Variants in EXOC6B observed in about 807,000 individuals in gnomAD.
The protein encoded by EXOC6B is SEC15 homolog B.
Under a neutral mutation model 113.5 loss-of-function variants are expected in EXOC6B, and 54 were observed. That is an observed-to-expected ratio of 0.48 (90% CI 0.38 to 0.60). The LOEUF (loss-of-function observed/expected upper bound fraction) is 0.60. Ranked by LOEUF, EXOC6B falls within the 20% of genes least tolerant of loss-of-function variation. The probability of loss-of-function intolerance (pLI) is 0.00; values close to 1 mark genes in which losing one functional copy is unlikely to be tolerated. For synonymous variants in EXOC6B, 357 were observed against 339.0 expected, an observed-to-expected ratio of 1.05 and a Z score of -0.58; for missense variants, 797 against 977.5, an observed-to-expected ratio of 0.82 and a Z score of 2.46.
Position 72,741,411 on chromosome 2 carries a change from G to A in EXOC6B, c.172C>T (p.Arg58Cys), listed in dbSNP as rs866488817. The A allele has an allele frequency of 3.1e-6, 5 of 1,613,222 alleles. No individual in the cohort carries two copies. The highest frequency in any genetic ancestry group is 2.2e-5 in the South Asian group (2 of 91,032). ...RFMEKLETRI[R>C]NHDREIEKMC... The stretch of plus-strand genomic sequence containing the variant: ...TTCTCAATTTCTCGGTCGTGATTAC[G>A]GATACGAGTTTCAAGCTTCTCCATG... Residue 58 changes from arginine (R) to cysteine (C), a missense_variant, in exon 2 of 22, where the codon CGT (arginine) becomes TGT (cysteine). Coordinates refer to ENST00000272427, the MANE Select transcript of EXOC6B (RefSeq NM_015189.3).
chr2:72,179,491 C>A, intron 21 of EXOC6B, 30 bp from the exon 22 acceptor site: 1 of 1,613,338 alleles, frequency 6.2e-7, no homozygotes. Flanking sequence ...AAGAGGGCAA[C>A]ATGTTTGAGG....
chr2:72,222,913 A>T (rs1330383479), intron 20 of EXOC6B, among the ~76,000 whole-genome samples: 1 of 152,182 alleles, frequency 6.6e-6, no homozygotes, highest in Non-Finnish European at 1.5e-5. Context: ...GGCACTGAGG[A>T]GGTACTTTTA....
rs1266600924 is a variant in EXOC6B, at chr2:72,179,427, C to A, written c.2344G>T (p.Ala782Ser). Residue 782 changes from alanine to serine, a missense_variant, in exon 22 of 22, where the codon GCA becomes TCA. Transcript: ENST00000272427. ...TCTCGCTCATTTTTCCGAAACTGTG[C>A]AAACATGTTGTTCTTGCGGCTAGTA... The part of the protein sequence containing the change: ...KDTSRKNNMF[A>S]QFRKNERDKQ... The A allele has an allele frequency of 1.2e-6, 2 of 1,613,720 alleles. No homozygotes were observed. Among genetic ancestry groups the A allele is most frequent in the Non-Finnish European group, 1.7e-6 (2 of 1,179,884 alleles).
rs960571675 is a variant in EXOC6B, at chr2:72,335,024, T to C, written c.2123-4A>G. 3 of 1,612,936 alleles carry C rather than the reference T, an allele frequency of 1.9e-6. No homozygotes were observed. Among genetic ancestry groups the C allele is most frequent in the African/African-American group, 1.3e-5 (1 of 74,780 alleles). ...ACCGGGCCGGATCTGGCAAACTCTG[T>C]GGGAAAGAAAAGAGGATAAAAAGCG... On this transcript the variant is annotated splice_polypyrimidine_tract_variant and splice_region_variant and intron_variant, in intron 19 of 21. Coordinates refer to ENST00000272427, the MANE Select transcript of EXOC6B (RefSeq NM_015189.3).
At chr2:72,646,377 G>A (rs1272751185) in intron 6 of EXOC6B, among the ~76,000 whole-genome samples, 2 of 151,878 alleles carry the variant, frequency 1.3e-5, no homozygotes, top group African/African-American at 4.8e-5. Flanking sequence ...AAGAGGAGAT[G>A]GTACCATCTC....
chr2:72,234,113 G>A (rs1262025326), intron 20 of EXOC6B, among the ~76,000 whole-genome samples: 2 of 143,528 alleles, frequency 1.4e-5, no homozygotes, highest in Non-Finnish European at 3.0e-5. Context: ...TTAAGACAGA[G>A]TCTTAGGCTG....
chr2:72,464,929 T>TA (rs1214730628), intron 18 of EXOC6B: 1 of 556,354 alleles, frequency 1.8e-6, no homozygotes, highest in East Asian at 2.9e-5. Context: ...CATAGGAAGA[T>TA]AAGCAGACAT....
chr2:72,741,352 G>A lies in EXOC6B; in HGVS notation c.231C>T (p.Asp77=), dbSNP rs1681309581. Residue 77 remains aspartate (D), a synonymous_variant, in exon 2 of 22, where the codon GAC becomes GAT. Transcript: ENST00000272427. ...TCACTTTCAGCAGTTCAGTTATAGA[G>A]TCCACAAAGCCCTGGTAATGAAAGT... is the stretch of plus-strand genomic sequence containing the variant. ...MCNFHYQGFV[D]SITELLKVRG... is the part of the protein sequence containing the mutation. 2.5e-6 allele frequency: 4 copies of A among 1,613,612 alleles called. No homozygotes were observed. Among genetic ancestry groups the A allele is most frequent in the Non-Finnish European group, 3.4e-6 (4 of 1,179,820 alleles).
At chr2:72,669,931 T>C (rs572005615) in intron 6 of EXOC6B, among the ~76,000 whole-genome samples, 24 of 152,352 alleles carry the variant, frequency 1.6e-4, no homozygotes, top group Non-Finnish European at 2.5e-4. Context: ...CACAACTTAA[T>C]AGCAGTATTC....
chr2:72,735,193 C>T (rs924664640), intron 2 of EXOC6B, among the ~76,000 whole-genome samples: 1 of 152,112 alleles, frequency 6.6e-6, no homozygotes, highest in Admixed American at 6.5e-5. Context: ...CATAATACTC[C>T]TAAATTCAGC....
chr2:72,637,024 A>G (rs1304027900), intron 6 of EXOC6B, among the ~76,000 whole-genome samples: 1 of 152,202 alleles, frequency 6.6e-6, no homozygotes, highest in Non-Finnish European at 1.5e-5. Flanking sequence ...CATGATACCA[A>G]TGAGCATGTG....
intron 20 of EXOC6B, among the ~76,000 whole-genome samples, chr2:72,266,686 C>T (rs1370264351): frequency 3.3e-5 from 5 of 152,068 alleles, no homozygotes; most frequent in Admixed American, 6.6e-5. Context: ...AGTCAGGTAG[C>T]GTGATGCCTC....
intron 18 of EXOC6B, among the ~76,000 whole-genome samples, chr2:72,450,588 TG>T (rs1034629575): frequency 1.3e-5 from 2 of 152,244 alleles, no homozygotes; most frequent in African/African-American, 4.8e-5. Context: ...TAGGTAGTGA[TG>T]TTTTTTAATC....
At chr2:72,548,764 T>C (rs1236938273) in intron 8 of EXOC6B, among the ~76,000 whole-genome samples, 1 of 152,096 alleles carries the variant, frequency 6.6e-6, no homozygotes, top group Non-Finnish European at 1.5e-5. Context: ...GAGCTTACAA[T>C]CTATTGAGGA....
At chr2:72,383,489 A>T (rs1465206868) in intron 18 of EXOC6B, among the ~76,000 whole-genome samples, 3 of 152,004 alleles carry the variant, frequency 2.0e-5, no homozygotes, top group African/African-American at 7.2e-5. Context: ...TAAAAAAAAA[A>T]TTAAAAAAAC....
chr2:72,306,538 A>G (rs893596498), intron 20 of EXOC6B, among the ~76,000 whole-genome samples: 4 of 152,210 alleles, frequency 2.6e-5, no homozygotes, highest in Non-Finnish European at 5.9e-5. Context: ...ACTGTTAGAT[A>G]TTTGTAATGT....
chr2:72,373,095 C>T (rs1261022410), intron 19 of EXOC6B, among the ~76,000 whole-genome samples: 10 of 144,216 alleles, frequency 6.9e-5, no homozygotes, highest in Non-Finnish European at 1.4e-4. Context: ...GATGGAGTCT[C>T]GCTGCAATGC....
rs77449410 is a variant in EXOC6B at position 72,215,437 on chromosome 2, C to T, written c.2197-31250G>A. Among the ~76,000 whole-genome samples the T allele has an allele frequency of 2.7e-3, 409 of 152,252 alleles. 1 individual carries two copies. Among genetic ancestry groups the T allele is most frequent in the African/African-American group, 9.4e-3 (389 of 41,546 alleles). ...CCTTATTTCACACAACGCTTATTAC[C>T]TAAACCTAATTTCCAAGAAAGAAAT... is the stretch of plus-strand genomic sequence containing the variant. On this transcript the variant is annotated intron_variant, in intron 20 of 21. Coordinates refer to ENST00000272427, the MANE Select transcript of EXOC6B (RefSeq NM_015189.3).
intron 1 of EXOC6B, among the ~76,000 whole-genome samples, chr2:72,762,077 C>G (rs1416605417): frequency 6.6e-6 from 1 of 151,914 alleles, no homozygotes; most frequent in Non-Finnish European, 1.5e-5. Flanking sequence ...AACCCCATCT[C>G]TACAAAAAAT....
Sources: gnomAD v4.1 joint callset for allele counts (sites outside exome capture counted in the v4.1 genomes callset) on GRCh38, gnomAD v4.1.1 for gene constraint, MANE v1.5 for transcripts, NCBI Gene and HGNC (gene_info 2026-07-23, HGNC 2026-07-21) for gene names.